Variants in RAB40A observed in about 807,000 individuals in gnomAD.
RAB40A encodes the protein ras-related protein Rab-40A.
For synonymous variants in RAB40A, 65 were observed against 99.9 expected (o/e 0.65, Z 2.08); for missense variants, 145 against 230.2 (o/e 0.63, Z 2.40).
chrX:103,498,731 G>A (rs1360602701), downstream of RAB40A, among the ~76,000 whole-genome samples: 1 of 112,226 alleles, frequency 8.9e-6, no homozygotes, highest in South Asian at 3.7e-4. Context: ...GCCCTTCTGC[G>A]GGACTTTGTT....
At chrX:103,506,153 G>C (rs1281356135) in intron 2 of RAB40A, among the ~76,000 whole-genome samples, 1 of 110,866 alleles carries the variant, frequency 9.0e-6, no homozygotes, top group Admixed American at 9.6e-5. Flanking sequence ...ATAGCTTCAG[G>C]AGTACAAGTG....
chrX:103,493,271 G>T, the RAB40A span, among the ~76,000 whole-genome samples: 1 of 110,911 alleles, frequency 9.0e-6, no homozygotes, highest in Non-Finnish European at 1.9e-5. Context: ...CATAATTGAG[G>T]GTTTTAAAAT....
chrX:103,494,262 G>T (rs1048839552), downstream of RAB40A, among the ~76,000 whole-genome samples: 1 of 111,723 alleles, frequency 9.0e-6, no homozygotes, highest in African/African-American at 3.3e-5. Context: ...CAAATCTTTT[G>T]CCCACCTTTT....
intron 2 of RAB40A, among the ~76,000 whole-genome samples, chrX:103,507,547 C>CA (rs1162186049): frequency 9.1e-6 from 1 of 109,576 alleles, no homozygotes; most frequent in African/African-American, 3.4e-5. Context: ...TTAGAGCACT[C>CA]AGAGTTATGG....
At chrX:103,495,532 A>C (rs2073163395), downstream of RAB40A, among the ~76,000 whole-genome samples, 1 of 111,408 alleles carries the variant, frequency 9.0e-6, no homozygotes, top group African/African-American at 3.3e-5. Context: ...AGGCAATCAC[A>C]GATATGCTTT....
At chrX:103,502,808 A>C (rs372177508) in intron 2 of RAB40A, 2 of 747,256 alleles carry the variant, frequency 2.7e-6, no homozygotes, top group Admixed American at 8.8e-5. Flanking sequence ...TATCTGTGAG[A>C]TAGAACTGAC....
At chrX:103,501,340 C>T (rs2073226674) in intron 2 of RAB40A, 1 of 124,690 alleles carries the variant, frequency 8.0e-6, no homozygotes, top group Admixed American at 9.3e-5. Context: ...TCATATAACG[C>T]ACTACACACC....
At chrX:103,516,455 T>C (rs1314833394) in intron 2 of RAB40A, among the ~76,000 whole-genome samples, 4 of 111,637 alleles carry the variant, frequency 3.6e-5, no homozygotes, top group Non-Finnish European at 3.8e-5. Flanking sequence ...GACCCTATAG[T>C]GTACAGTGTT....
At chrX:103,495,678 C>G (rs1436710600), downstream of RAB40A, among the ~76,000 whole-genome samples, 1 of 112,237 alleles carries the variant, frequency 8.9e-6, no homozygotes, top group Admixed American at 9.4e-5. Flanking sequence ...AGTTCCTCAT[C>G]CATATTTATT....
chrX:103,500,921 C>T, intron 2 of RAB40A, 95 bp from the exon 3 acceptor site: 1 of 967,199 alleles, frequency 1.0e-6, no homozygotes, highest in Non-Finnish European at 1.4e-6. Context: ...ATTTCTTTTA[C>T]AAACCCTAGG....
At chrX:103,507,592 A>T (rs748689457) in intron 2 of RAB40A, among the ~76,000 whole-genome samples, 2 of 112,114 alleles carry the variant, frequency 1.8e-5, no homozygotes, top group Admixed American at 1.9e-4. Flanking sequence ...ACAACTGAAA[A>T]AAAACCCTTA....
chrX:103,505,628 G>A (rs1325800582), intron 2 of RAB40A, among the ~76,000 whole-genome samples: 4 of 111,150 alleles, frequency 3.6e-5, no homozygotes, highest in Non-Finnish European at 7.6e-5. Context: ...TAAAATGCCT[G>A]TTTACTTCTT....
At chrX:103,508,307 CAGGG>C (rs2073267646) in intron 2 of RAB40A, among the ~76,000 whole-genome samples, 1 of 111,593 alleles carries the variant, frequency 9.0e-6, no homozygotes, top group East Asian at 2.8e-4. Flanking sequence ...GGGAGGTGCT[CAGGG>C]TCTCCTAGGG....
At chrX:103,499,097 TCTTTTCGTTTTACC>T (rs2073204851), downstream of RAB40A, 1 of 114,057 alleles carries the variant, frequency 8.8e-6, no homozygotes, top group African/African-American at 3.2e-5. Flanking sequence ...ATTTTTCCTC[TCTTTTCGTTTTACC>T]AAAGAGAAAA....
chrX:103,518,078 G>A (rs1015357083), intron 1 of RAB40A, among the ~76,000 whole-genome samples: 7 of 111,705 alleles, frequency 6.3e-5, no homozygotes, highest in African/African-American at 2.3e-4. Flanking sequence ...ATAGTCACAG[G>A]TAGCTAGTGG....
rs759024132 is a variant in RAB40A at position 103,502,371 on chromosome X, A to T, written c.-70-1545T>A. 2.4e-5 allele frequency: 3 copies of T among 123,557 alleles called. No individual in the cohort carries two copies. The Admixed American group carries it at 2.8e-4, about 12-fold the overall frequency. The allele number at this position is 123,557 out of a possible 1,213,427, so 10.2% of individuals were successfully genotyped here. ...CCTGATTGGAATAATGATCATAATC[A>T]TCGGTACCTTGAACAGCCGTTAGGA... is the stretch of plus-strand genomic sequence containing the variant. On this transcript the variant is annotated intron_variant, in intron 2 of 2. Coordinates refer to ENST00000304236, the MANE Select transcript of RAB40A (RefSeq NM_080879.3).
chrX:103,507,956 GTAT>G (rs2073265209), intron 2 of RAB40A, among the ~76,000 whole-genome samples: 1 of 111,222 alleles, frequency 9.0e-6, no homozygotes, highest in Admixed American at 9.5e-5. Context: ...GCAGGTTTTT[GTAT>G]TTTTTAATGT....
At chrX:103,503,179 A>T (rs1380119947) in intron 2 of RAB40A, 18 of 752,021 alleles carry the variant, frequency 2.4e-5, no homozygotes, top group Non-Finnish European at 2.2e-5. Flanking sequence ...ATTGATTGAT[A>T]GATGTAAAAC....
intron 1 of RAB40A, among the ~76,000 whole-genome samples, chrX:103,518,825 C>T (rs1603138747): frequency 9.0e-6 from 1 of 111,657 alleles, no homozygotes; most frequent in Non-Finnish European, 1.9e-5. Context: ...CATACTATCC[C>T]TCAGTGTAAC....
Sources: allele counts gnomAD v4.1 joint callset (sites outside exome capture counted in the v4.1 genomes callset), GRCh38; gene constraint gnomAD v4.1.1; transcripts MANE v1.5; gene names NCBI Gene and HGNC (gene_info 2026-07-23, HGNC 2026-07-21).